Variants in MIPEP observed in about 807,000 individuals in gnomAD.
MIPEP encodes mitochondrial intermediate peptidase.
In MIPEP, 79 loss-of-function variants were observed where a neutral mutation model predicts 90.3. The observed-to-expected ratio is 0.87, with a 90% CI of 0.73 to 1.05. MIPEP has a LOEUF of 1.05. Ranked by LOEUF, MIPEP falls within the 50% of genes least tolerant of loss-of-function variation. The pLI is 0.00. For missense variants in MIPEP, 940 were observed against 905.6 expected (o/e 1.04, Z -0.49); for synonymous variants, 334 against 315.8 (o/e 1.06, Z -0.61).
intron 16 of MIPEP, among the ~76,000 whole-genome samples, chr13:23,796,618 G>A (rs148716681): frequency 1.3e-5 from 2 of 150,650 alleles, no homozygotes; most frequent in East Asian, 1.9e-4. Flanking sequence ...CGTAGTAAAT[G>A]TAACAGTACT....
chr13:23,756,445 C>G (rs1213172826), intron 18 of MIPEP, 100 bp downstream of exon 18: 1 of 1,266,140 alleles, frequency 7.9e-7, no homozygotes, highest in East Asian at 2.4e-5. Context: ...GCATGAACCA[C>G]CACACCTGGC....
At chr13:23,763,749 G>C (rs1306104718) in intron 16 of MIPEP, among the ~76,000 whole-genome samples, 6 of 152,280 alleles carry the variant, frequency 3.9e-5, no homozygotes, top group African/African-American at 1.4e-4. Flanking sequence ...CCTGAATCCA[G>C]GTCTTCTGGC....
At chr13:23,856,783 C>T (rs1870064653) in intron 10 of MIPEP, among the ~76,000 whole-genome samples, 1 of 152,026 alleles carries the variant, frequency 6.6e-6, no homozygotes, top group Non-Finnish European at 1.5e-5. Context: ...CTCGGAACCA[C>T]CATTTGGGCA....
chr13:23,822,342 CCTGT>C (rs1450537122), intron 14 of MIPEP, among the ~76,000 whole-genome samples: 1 of 152,144 alleles, frequency 6.6e-6, no homozygotes, highest in African/African-American at 2.4e-5. Flanking sequence ...GACAATGCAG[CCTGT>C]CTAATATGCT....
At chr13:23,843,373 G>A (rs542638936) in intron 10 of MIPEP, among the ~76,000 whole-genome samples, 16 of 152,226 alleles carry the variant, frequency 1.1e-4, no homozygotes, top group African/African-American at 3.6e-4. Context: ...TGAGGAACTG[G>A]GACCATGCAC....
chr13:23,796,416 CA>C (rs201291153), intron 16 of MIPEP, among the ~76,000 whole-genome samples: 3 of 148,706 alleles, frequency 2.0e-5, no homozygotes, highest in African/African-American at 4.9e-5. Flanking sequence ...GACTCCATCT[CA>C]AAAAAAAACC....
At position 23,875,559 on chromosome 13, in the gene MIPEP, T is replaced by TA. The variant is rs1166969403; in HGVS notation, c.540-651dup. ...TTTTTTTTGTCAATGGTATTTTTTT[T>TA]AAAAAAAACCAACAACATTGAATGG... is the stretch of plus-strand genomic sequence containing the variant. On this transcript the variant is annotated intron_variant, in intron 4 of 18. Coordinates refer to ENST00000382172, the MANE Select transcript of MIPEP (RefSeq NM_005932.4). Among the ~76,000 whole-genome samples the TA allele has an allele frequency of 9.6e-4, 146 of 151,688 alleles. 1 individual carries two copies. The highest frequency in any genetic ancestry group is 8.9e-4 in the African/African-American group (37 of 41,344).
intron 10 of MIPEP, among the ~76,000 whole-genome samples, chr13:23,846,290 T>C (rs953653386): frequency 9.2e-5 from 14 of 152,026 alleles, no homozygotes; most frequent in African/African-American, 3.4e-4. Flanking sequence ...ATGCATACAA[T>C]GGGGGAATAG....
Position 23,886,631 on chromosome 13 carries a change from G to C in MIPEP, c.190-125C>G. 6 of 630,106 alleles carry C rather than the reference G, an allele frequency of 9.5e-6. No individual in the cohort carries two copies. In the Admixed American group the frequency reaches 1.5e-4, roughly 16 times the overall value. 39.0% of individuals were successfully genotyped at this position (630,106 alleles called of 1,614,324 possible). A position where few individuals can be genotyped will look rare whatever the true frequency, so the allele number is the denominator to read the frequency against. On this transcript the variant is annotated intron_variant, in intron 1 of 18. Transcript: ENST00000382172. ...TTCATTGGTGTATCATGTTATACCT[G>C]TGATCACAGATACCACTATCATACT... is the stretch of plus-strand genomic sequence containing the variant.
In MIPEP at chr13:23,855,459, C is replaced by T. The variant is rs192184266; in HGVS notation, c.1106+3401G>A. ...CTGAGGTTAACTTGAAAAAAAGGCT[C>T]GAATCAAGGAAAGCCCCTTCTATAT... is the stretch of plus-strand genomic sequence containing the variant. On this transcript the variant is annotated intron_variant, in intron 10 of 18. Transcript: ENST00000382172. Among the ~76,000 whole-genome samples, 8 of 152,192 alleles carry T rather than the reference C, an allele frequency of 5.3e-5. No homozygotes were observed. In the East Asian group the frequency reaches 1.5e-3, roughly 29 times the overall value.
intron 14 of MIPEP, among the ~76,000 whole-genome samples, chr13:23,817,536 C>T (rs1228796686): frequency 6.6e-6 from 1 of 152,090 alleles, no homozygotes; most frequent in Non-Finnish European, 1.5e-5. Context: ...GCAGTAGCCC[C>T]CCGATAAAGT....
chr13:23,854,584 C>A (rs1297355784), intron 10 of MIPEP, among the ~76,000 whole-genome samples: 2 of 151,888 alleles, frequency 1.3e-5, no homozygotes, highest in Non-Finnish European at 2.9e-5. Context: ...CCAGTGATAT[C>A]CTAATTTAAA....
chr13:23,796,055 T>TTA (rs747158188), intron 16 of MIPEP, among the ~76,000 whole-genome samples: 5 of 151,970 alleles, frequency 3.3e-5, no homozygotes, highest in Non-Finnish European at 4.4e-5. Context: ...TCTTCATATA[T>TTA]TATATATATA....
At chr13:23,833,054 T>A (rs1483678826) in intron 14 of MIPEP, among the ~76,000 whole-genome samples, 2 of 152,174 alleles carry the variant, frequency 1.3e-5, no homozygotes, top group Non-Finnish European at 2.9e-5. Context: ...ACCTGAGACC[T>A]CTCTGGAATA....
intron 14 of MIPEP, among the ~76,000 whole-genome samples, chr13:23,833,426 A>T (rs1460961652): frequency 6.6e-6 from 1 of 152,170 alleles, no homozygotes; most frequent in African/African-American, 2.4e-5. Flanking sequence ...AGGGCACTGG[A>T]TCCATCTTCT....
In MIPEP at chr13:23,879,316, T is replaced by C. The variant is rs1001103943; in HGVS notation, c.491A>G (p.Lys164Arg). 6.2e-7 allele frequency: 1 copy of C among 1,603,082 alleles called. No individual in the cohort carries two copies. Reference protein sequence around the residue: ...TNVDLYQSLQKLLADKKLVDS... With the variant: ...TNVDLYQSLQRLLADKKLVDS... ...CACAAGTTTTTTATCAGCTAGTAAT[T>C]TTTGCAAACTTTGATATAAATCCAC... Residue 164 changes from lysine (K) to arginine (R), a missense_variant, in exon 4 of 19, where the codon AAA becomes AGA. Lys to Arg is a conservative substitution (Grantham distance 26). Coordinates refer to ENST00000382172, the MANE Select transcript of MIPEP (RefSeq NM_005932.4).
intron 18 of MIPEP, among the ~76,000 whole-genome samples, chr13:23,744,229 G>A (rs576068671): frequency 6.6e-6 from 1 of 152,190 alleles, no homozygotes; most frequent in Admixed American, 6.5e-5. Context: ...ATATATATTA[G>A]CTACTAGTTA....
At chr13:23,744,891 G>A (rs1952367319) in intron 18 of MIPEP, among the ~76,000 whole-genome samples, 1 of 152,172 alleles carries the variant, frequency 6.6e-6, no homozygotes, top group African/African-American at 2.4e-5. Flanking sequence ...TGCATCAAAA[G>A]GAAGACAAAA....
intron 1 of MIPEP, among the ~76,000 whole-genome samples, chr13:23,888,361 T>C (rs542898728): frequency 1.3e-5 from 2 of 152,284 alleles, no homozygotes; most frequent in Admixed American, 6.5e-5. Flanking sequence ...AGACTTGTCT[T>C]TATAAGGCAA....
Sources: gnomAD v4.1 joint callset for allele counts (sites outside exome capture counted in the v4.1 genomes callset) on GRCh38, gnomAD v4.1.1 for gene constraint, MANE v1.5 for transcripts, NCBI Gene and HGNC (gene_info 2026-07-23, HGNC 2026-07-21) for gene names.